Variants in KCNQ1 observed in about 807,000 individuals in gnomAD.
KCNQ1 encodes the protein potassium voltage-gated channel subfamily Q member 1, also known as potassium voltage-gated channel subfamily KQT member 1.
In KCNQ1, 49 loss-of-function variants were observed where a neutral mutation model predicts 72.4. The observed-to-expected ratio is 0.68, with a 90% confidence interval of 0.54 to 0.86. KCNQ1 has a LOEUF of 0.86. KCNQ1 is among the 40% of genes least tolerant of loss of function. The pLI is 0.00. For synonymous variants in KCNQ1, 450 were observed against 412.6 expected, an observed-to-expected ratio of 1.09 and a Z score of -1.10; for missense variants, 790 against 945.1, an observed-to-expected ratio of 0.84 and a Z score of 2.15.
chr11:2,469,749 C>T (rs1846414442), intron 1 of KCNQ1, among the ~76,000 whole-genome samples: 1 of 152,186 alleles, frequency 6.6e-6, no homozygotes, highest in South Asian at 2.1e-4. Context: ...TCTCGGCTCA[C>T]TGCAAGCTCC....
At chr11:2,665,580 G>A in intron 11 of KCNQ1, 1 of 395,596 alleles carries the variant, frequency 2.5e-6, no homozygotes, top group Admixed American at 4.5e-5. Flanking sequence ...TCTTTCCAAC[G>A]TCTGCTCAGT....
Position 2,481,828 on chromosome 11 carries a change from T to G in KCNQ1, c.386+36344T>G, listed in dbSNP as rs1419586283. 1.3e-5 allele frequency among the ~76,000 whole-genome samples: 2 copies of G among 152,230 alleles called. No individual in the cohort carries two copies. Among genetic ancestry groups the G allele is most frequent in the African/African-American group, 4.8e-5 (2 of 41,456 alleles). Reference sequence around the variant, plus strand: ...TTGCAGGAAAACAAGCTCAGGGCTCTCACTGATTCTACATTATGGTGAGTT... The same window carrying G: ...TTGCAGGAAAACAAGCTCAGGGCTCGCACTGATTCTACATTATGGTGAGTT... On this transcript the variant is annotated intron_variant, in intron 1 of 15. Transcript: ENST00000155840. This position sits in a 1 kb window ranked among gnomAD's most constrained non-coding sequence, Gnocchi z 4.6.
chr11:2,567,752 C>T lies in KCNQ1; in HGVS notation c.478-2876C>T, dbSNP rs1303599125. On this transcript the variant is annotated intron_variant, in intron 2 of 15. Transcript: ENST00000155840. This position sits in a 1 kb window ranked among gnomAD's most constrained non-coding sequence, Gnocchi z 6.6. ...GGGATCAGTGTTGTTTTTAATCATT[C>T]CTACCACCTTGTCCCACAGGCAGGA... Among the ~76,000 whole-genome samples, 4 of 152,206 alleles carry T rather than the reference C, an allele frequency of 2.6e-5. No individual in the cohort carries two copies. Among genetic ancestry groups the T allele is most frequent in the African/African-American group, 7.2e-5 (3 of 41,442 alleles).
chr11:2,831,184 T>C (rs549259219), intron 15 of KCNQ1, among the ~76,000 whole-genome samples: 38 of 152,284 alleles, frequency 2.5e-4, no homozygotes, highest in African/African-American at 9.1e-4. Flanking sequence ...TGCTCTGTGA[T>C]CAGCAGCAGC....
chr11:2,694,320 C>G (rs1850637121), intron 11 of KCNQ1: 1 of 398,556 alleles, frequency 2.5e-6, no homozygotes, highest in Non-Finnish European at 4.4e-6. Flanking sequence ...AAGTGGTTGT[C>G]ATCTGCGGTG....
At chr11:2,586,027 T>G (rs1020566636) in intron 8 of KCNQ1, among the ~76,000 whole-genome samples, 41 of 152,204 alleles carry the variant, frequency 2.7e-4, no homozygotes, top group Non-Finnish European at 2.9e-4. Flanking sequence ...GGGTCTCTCT[T>G]GTTGGCCACT....
At chr11:2,512,446 C>G in intron 1 of KCNQ1, among the ~76,000 whole-genome samples, 1 of 152,310 alleles carries the variant, frequency 6.6e-6, no homozygotes, top group East Asian at 1.9e-4. Flanking sequence ...ATCCTTGCCC[C>G]CACACACCCA....
At chr11:2,842,245 T>C (rs1848229344) in intron 15 of KCNQ1, among the ~76,000 whole-genome samples, 1 of 150,380 alleles carries the variant, frequency 6.6e-6, no homozygotes, top group Non-Finnish European at 1.5e-5. Flanking sequence ...GGGCCAAGAC[T>C]CACACACAGC....
chr11:2,558,112 C>T (rs948360008), intron 2 of KCNQ1, among the ~76,000 whole-genome samples: 13 of 152,212 alleles, frequency 8.5e-5, no homozygotes, highest in Admixed American at 2.0e-4. Flanking sequence ...GTGGGAAGTG[C>T]GGGCCCTGTA....
At chr11:2,727,829 A>G (rs761038337) in intron 11 of KCNQ1, among the ~76,000 whole-genome samples, 3 of 152,150 alleles carry the variant, frequency 2.0e-5, no homozygotes, top group Non-Finnish European at 4.4e-5. Context: ...CTCGTCTTGC[A>G]CTATGAAGGG....
chr11:2,660,411 A>G (rs1849931121), intron 10 of KCNQ1: 2 of 398,516 alleles, frequency 5.0e-6, no homozygotes, highest in Admixed American at 4.4e-5. Context: ...CAAAAGATGT[A>G]TCACTTTAAA....
At position 2,526,842 on chromosome 11, in the gene KCNQ1, G is replaced by C. The variant is rs1847517180; in HGVS notation, c.387-1086G>C. 6.6e-6 allele frequency among the ~76,000 whole-genome samples: 1 copy of C among 152,062 alleles called. No individual in the cohort carries two copies. The highest frequency in any genetic ancestry group is 1.5e-5 in the Non-Finnish European group (1 of 67,980). On this transcript the variant is annotated intron_variant, in intron 1 of 15. Coordinates refer to ENST00000155840, the MANE Select transcript of KCNQ1 (RefSeq NM_000218.3). This position sits in a 1 kb window ranked among gnomAD's most constrained non-coding sequence, Gnocchi z 6.1. ...GGATCTCAGGGAGCGGAGGGAGCCT[G>C]GGGCACCCTATGCCAGGCAGAGGAT...
At position 2,654,522 on chromosome 11, in the gene KCNQ1, T is replaced by C; in HGVS notation, c.1394-7439T>C. On this transcript the variant is annotated intron_variant, in intron 10 of 15. Coordinates refer to ENST00000155840, the MANE Select transcript of KCNQ1 (RefSeq NM_000218.3). This position sits in a 1 kb window ranked among gnomAD's most constrained non-coding sequence, Gnocchi z 6.4. Reference sequence around the variant, plus strand: ...AATCTCCGGAGCCCTGGAAAGCTTGTGGAAGAGGGCTTGGGTTACACCTGG... The same window carrying C: ...AATCTCCGGAGCCCTGGAAAGCTTGCGGAAGAGGGCTTGGGTTACACCTGG... 2.5e-6 allele frequency: 1 copy of C among 398,358 alleles called. No individual in the cohort carries two copies. The highest frequency in any genetic ancestry group is 4.4e-6 in the Non-Finnish European group (1 of 226,096). 24.7% of individuals were successfully genotyped at this position (398,358 alleles called of 1,614,324 possible).
chr11:2,658,799 C>G lies in KCNQ1; in HGVS notation c.1394-3162C>G, dbSNP rs1849898202. 2.5e-6 allele frequency: 1 copy of G among 398,436 alleles called. No individual in the cohort carries two copies. The highest frequency in any genetic ancestry group is 4.4e-6 in the Non-Finnish European group (1 of 226,076). The allele number at this position is 398,436 out of a possible 1,614,324, so 24.7% of individuals were successfully genotyped here. On this transcript the variant is annotated intron_variant, in intron 10 of 15. Transcript: ENST00000155840. This position sits in a 1 kb window ranked among gnomAD's most constrained non-coding sequence, Gnocchi z 4.9. The stretch of plus-strand genomic sequence containing the variant: ...TCTGACCAGAGTTCATCCTTGCCCC[C>G]TCCCCCACAACTTATTTATAGCTTT...
chr11:2,510,747 A>T (rs1379821693), intron 1 of KCNQ1, among the ~76,000 whole-genome samples: 3 of 152,196 alleles, frequency 2.0e-5, no homozygotes, highest in African/African-American at 4.8e-5. Flanking sequence ...GGTTAGCAGC[A>T]GATTCTAGGC....
Position 2,550,291 on chromosome 11 carries a change from G to A in KCNQ1, c.478-20337G>A, listed in dbSNP as rs573039417. 4.6e-5 allele frequency among the ~76,000 whole-genome samples: 7 copies of A among 152,226 alleles called. No homozygotes were observed. The highest frequency in any genetic ancestry group is 1.7e-4 in the African/African-American group (7 of 41,464). ...GTCTTTGCAGTTGCAGAGCCGTGGCGCGGCGCCTGGATTTCCGACACACTG... is the reference window on the plus strand; with the variant it reads ...GTCTTTGCAGTTGCAGAGCCGTGGCACGGCGCCTGGATTTCCGACACACTG... On this transcript the variant is annotated intron_variant, in intron 2 of 15. Coordinates refer to ENST00000155840, the MANE Select transcript of KCNQ1 (RefSeq NM_000218.3). This position sits in a 1 kb window ranked among gnomAD's most constrained non-coding sequence, Gnocchi z 6.0.
intron 10 of KCNQ1, chr11:2,660,719 A>C: frequency 2.5e-6 from 1 of 398,642 alleles, no homozygotes; most frequent in East Asian, 3.6e-5. Flanking sequence ...TTCGGGCTTC[A>C]TTCAACACTT....
At chr11:2,607,919 A>C (rs956564125) in intron 10 of KCNQ1, among the ~76,000 whole-genome samples, 1 of 152,224 alleles carries the variant, frequency 6.6e-6, no homozygotes, top group Non-Finnish European at 1.5e-5. Context: ...ATTGTAATGA[A>C]ATACAAAAAT....
intron 15 of KCNQ1, among the ~76,000 whole-genome samples, chr11:2,843,218 G>A (rs1409615868): frequency 2.6e-5 from 4 of 152,212 alleles, no homozygotes; most frequent in African/African-American, 9.6e-5. Context: ...AAACACAATC[G>A]CTCCATGCCC....
Sources: allele counts gnomAD v4.1 joint callset (sites outside exome capture counted in the v4.1 genomes callset), GRCh38; gene constraint gnomAD v4.1.1; non-coding constraint Gnocchi (gnomAD v3.1); transcripts MANE v1.5; gene names NCBI Gene and HGNC (gene_info 2026-07-23, HGNC 2026-07-21).